The following KIF14 variants were observed in gnomAD, a reference collection of about 807,000 sequenced individuals.
KIF14 encodes kinesin family member 14, also known as kinesin-like protein KIF14.
In KIF14, 98 loss-of-function variants were observed where a neutral mutation model predicts 176.2. That is an observed-to-expected ratio of 0.56 (90% CI 0.47 to 0.66). The LOEUF is 0.66. KIF14 is among the 30% of genes least tolerant of loss of function. The pLI is 0.00. For missense variants in KIF14, 1,751 were observed against 1,920.4 expected (o/e 0.91, Z 1.65); for synonymous variants, 566 against 632.2 (o/e 0.90, Z 1.57).
intron 4 of KIF14, among the ~76,000 whole-genome samples, chr1:200,613,281 G>A (rs1287481950): frequency 6.6e-6 from 1 of 151,768 alleles, no homozygotes; most frequent in Non-Finnish European, 1.5e-5. Flanking sequence ...CTACTTTTTT[G>A]CTTTCAAATC....
intron 8 of KIF14, among the ~76,000 whole-genome samples, chr1:200,604,328 A>G (rs1659770787): frequency 6.6e-6 from 1 of 152,148 alleles, no homozygotes; most frequent in African/African-American, 2.4e-5. Flanking sequence ...TCGGCCTCCT[A>G]AAGTGCTGGG....
Position 200,553,359 on chromosome 1 carries a change from T to G in KIF14, c.*29A>C, listed in dbSNP as rs1379990949. 1 of 1,532,198 alleles carries G rather than the reference T, an allele frequency of 6.5e-7. No homozygotes were observed. Among genetic ancestry groups the G allele is most frequent in the East Asian group, 2.3e-5 (1 of 43,828 alleles). The allele number at this position is 1,532,198 out of a possible 1,614,324, so 94.9% of individuals were successfully genotyped here. On this transcript the variant is annotated 3_prime_UTR_variant, in exon 30 of 30. Coordinates refer to ENST00000367350, the MANE Select transcript of KIF14 (RefSeq NM_014875.3). Reference sequence around the variant, plus strand: ...GCAAGTGTTCTTTTTCTTTCATGGGTGGTCATAAAAGTGCCTACACATCAG... The same window carrying G: ...GCAAGTGTTCTTTTTCTTTCATGGGGGGTCATAAAAGTGCCTACACATCAG...
At chr1:200,562,937 A>G (rs763713053) in intron 25 of KIF14, among the ~76,000 whole-genome samples, 13 of 152,252 alleles carry the variant, frequency 8.5e-5, no homozygotes, top group South Asian at 4.1e-4. Flanking sequence ...ACTGTCCTCT[A>G]CCTTCTTAGA....
intron 15 of KIF14, among the ~76,000 whole-genome samples, chr1:200,592,611 T>C (rs997052353): frequency 5.9e-5 from 9 of 152,176 alleles, no homozygotes; most frequent in African/African-American, 1.7e-4. Context: ...CCTGACCTCA[T>C]GATCCACCCA....
chr1:200,563,273 A>G (rs749212932), intron 25 of KIF14, among the ~76,000 whole-genome samples: 2 of 152,234 alleles, frequency 1.3e-5, no homozygotes, highest in Non-Finnish European at 2.9e-5. Flanking sequence ...AATTTGTTCA[A>G]TTGTTCTATA....
At chr1:200,593,121 A>G (rs1659139489) in intron 15 of KIF14, among the ~76,000 whole-genome samples, 1 of 152,254 alleles carries the variant, frequency 6.6e-6, no homozygotes, top group South Asian at 2.1e-4. Flanking sequence ...GCTTAATAAT[A>G]ACAAGAGACA....
chr1:200,600,650 A>G, intron 11 of KIF14, 147 bp from the exon 12 acceptor site: 1 of 621,776 alleles, frequency 1.6e-6, no homozygotes, highest in Non-Finnish European at 2.8e-6. Context: ...AATCAGCTCT[A>G]CTTTATATAA....
Position 200,598,300 on chromosome 1 carries a change from T to C in KIF14, c.2486A>G (p.Lys829Arg). ...MIKEGTTTVG[K>R]YKPNSSHDIQ... ...ATCATGGCTTGAGTTTGGTTTATACTTTCCAACTGTAGTTGTTCCTTCTTT... is the reference window on the plus strand; with the variant it reads ...ATCATGGCTTGAGTTTGGTTTATACCTTCCAACTGTAGTTGTTCCTTCTTT... The change falls in exon 14 of 30, where the codon AAG (lysine) becomes AGG (arginine). Residue 829 changes from lysine (K) to arginine (R), a missense_variant. Coordinates refer to ENST00000367350, the MANE Select transcript of KIF14 (RefSeq NM_014875.3). 1 of 1,613,562 alleles carries C rather than the reference T, an allele frequency of 6.2e-7. No homozygotes were observed. The highest frequency in any genetic ancestry group is 1.1e-5 in the South Asian group (1 of 91,030).
intron 25 of KIF14, among the ~76,000 whole-genome samples, chr1:200,563,250 C>T (rs1657260177): frequency 1.3e-5 from 2 of 152,128 alleles, no homozygotes; most frequent in Non-Finnish European, 2.9e-5. Flanking sequence ...TTTCGGTGGG[C>T]ACTATAACAT....
chr1:200,608,841 T>C lies in KIF14; in HGVS notation c.1543A>G (p.Arg515Gly). Residue 515 changes from arginine to glycine, a missense_variant, in exon 5 of 30, where the codon AGA becomes GGA. Coordinates refer to ENST00000367350, the MANE Select transcript of KIF14 (RefSeq NM_014875.3). The stretch of plus-strand genomic sequence containing the variant: ...TGTTTTAATCTTACTGGTTGCTTTC[T>C]CTGCCCATTTTCATCTTTACAAACC... ...LLVCKDENGQ[R>G]KQPLRVREHP... 6.3e-7 allele frequency: 1 copy of C among 1,590,360 alleles called. No homozygotes were observed. Among genetic ancestry groups the C allele is most frequent in the East Asian group, 2.2e-5 (1 of 44,666 alleles).
intron 14 of KIF14, among the ~76,000 whole-genome samples, chr1:200,594,101 A>T (rs1248049994): frequency 6.6e-6 from 1 of 151,546 alleles, no homozygotes; most frequent in African/African-American, 2.4e-5. Context: ...CTGCCCAGCT[A>T]ATGTTTGCAT....
At chr1:200,588,205 G>T (rs149794969) in intron 18 of KIF14, among the ~76,000 whole-genome samples, 27 of 151,814 alleles carry the variant, frequency 1.8e-4, no homozygotes, top group African/African-American at 6.0e-4. Context: ...AGTAGTTCTG[G>T]AGTGCGGCCT....
chr1:200,603,707 C>T, intron 9 of KIF14, 132 bp downstream of exon 9: 1 of 577,066 alleles, frequency 1.7e-6, no homozygotes, highest in Non-Finnish European at 3.1e-6. Flanking sequence ...CTTTTTCAAC[C>T]ACAGCAATGC....
In KIF14 at chr1:200,618,226, A is replaced by T. The variant is rs1286718667; in HGVS notation, c.498T>A (p.Ile166=). Residue 166 remains isoleucine (I), a synonymous_variant, in exon 2 of 30, where the codon ATT becomes ATA. Coordinates refer to ENST00000367350, the MANE Select transcript of KIF14 (RefSeq NM_014875.3). ...CAAAAGAGTTTTTAGCATTATTTAC[A>T]ATCCTTACATTTGTTCTACTTTCCT... ...VSKESRTNVR[I]VNNAKNSFVA... The T allele has an allele frequency of 6.2e-7, 1 of 1,613,938 alleles. No individual in the cohort carries two copies. The highest frequency in any genetic ancestry group is 2.2e-5 in the East Asian group (1 of 44,876).
At chr1:200,584,941 A>C (rs535780267) in intron 19 of KIF14, among the ~76,000 whole-genome samples, 1 of 152,234 alleles carries the variant, frequency 6.6e-6, no homozygotes, top group African/African-American at 2.4e-5. Context: ...TCTTATATAT[A>C]GAAAACTCTA....
intron 22 of KIF14, among the ~76,000 whole-genome samples, chr1:200,573,427 CTTTTTTTTTT>C (rs869174532): frequency 6.4e-5 from 5 of 77,762 alleles, no homozygotes; most frequent in Non-Finnish European, 7.1e-5. Flanking sequence ...GAGCTCATTT[CTTTTTTTTTT>C]TTTTTTTTTT....
chr1:200,613,915 A>C (rs1190145936), intron 4 of KIF14, among the ~76,000 whole-genome samples: 1 of 152,156 alleles, frequency 6.6e-6, no homozygotes, highest in Non-Finnish European at 1.5e-5. Flanking sequence ...TTTGAAGTCA[A>C]CTCTGGGTTC....
intron 22 of KIF14, among the ~76,000 whole-genome samples, chr1:200,574,647 C>T (rs1474410343): frequency 6.6e-6 from 1 of 152,174 alleles, no homozygotes; most frequent in Non-Finnish European, 1.5e-5. Flanking sequence ...AAAAACCAAA[C>T]CAAACTATGA....
chr1:200,585,761 A>G (rs73070699), intron 19 of KIF14, among the ~76,000 whole-genome samples: 5,361 of 152,176 alleles, frequency 0.035, 340 homozygotes, highest in African/African-American at 0.12. Flanking sequence ...TTTCTTTCAC[A>G]GGGGCACTAA....
Sources: gnomAD v4.1 joint callset for allele counts (sites outside exome capture counted in the v4.1 genomes callset) on GRCh38, gnomAD v4.1.1 for gene constraint, MANE v1.5 for transcripts, NCBI Gene and HGNC (gene_info 2026-07-23, HGNC 2026-07-21) for gene names.